DNAH11: variants seen among roughly 807,000 people sequenced by gnomAD.
DNAH11 encodes dynein axonemal heavy chain 11, also known as axonemal beta dynein heavy chain 11.
In DNAH11, 442 loss-of-function variants were observed where a neutral mutation model predicts 526.0. The ratio of observed to expected loss-of-function variants is 0.84; its 90% CI spans 0.78 to 0.91. The LOEUF is 0.91. Among genes scored for constraint, DNAH11 ranks in the 40% least tolerant of loss-of-function variants. The pLI, the probability that DNAH11 is intolerant of heterozygous loss-of-function variation, is 0.00. For synonymous variants in DNAH11, 2,461 were observed against 1,935.9 expected (o/e 1.27, Z -7.12); for missense variants, 6,989 against 5,448.7 (o/e 1.28, Z -8.90).
chr7:21,890,471 C>G (rs1159517377), intron 76 of DNAH11, among the ~76,000 whole-genome samples: 3 of 152,126 alleles, frequency 2.0e-5, no homozygotes, highest in Admixed American at 6.6e-5. Flanking sequence ...GCTTGAAGTT[C>G]TGTTTTTAAC....
chr7:21,854,483 G>T, intron 68 of DNAH11, 28 bp downstream of exon 68: 1 of 1,600,044 alleles, frequency 6.2e-7, no homozygotes, highest in Non-Finnish European at 8.5e-7. Context: ...AAGAAATATG[G>T]GAAACTTTAG....
intron 33 of DNAH11, 28 bp downstream of exon 33, chr7:21,687,283 A>AT (rs1441633332): frequency 6.4e-7 from 1 of 1,555,740 alleles, no homozygotes; most frequent in Non-Finnish European, 8.7e-7. Context: ...TAATGTGTAA[A>AT]ACTTTATTCT....
intron 20 of DNAH11, among the ~76,000 whole-genome samples, chr7:21,607,029 G>T (rs1047205603): frequency 6.6e-6 from 1 of 152,096 alleles, no homozygotes; most frequent in South Asian, 2.1e-4. Flanking sequence ...ATCACAAGGC[G>T]AAGTCCCACA....
At chr7:21,561,691 T>C (rs1483286674) in intron 5 of DNAH11, among the ~76,000 whole-genome samples, 2 of 152,134 alleles carry the variant, frequency 1.3e-5, no homozygotes, top group Non-Finnish European at 2.9e-5. Flanking sequence ...TGATATCCAG[T>C]CGAAAGTCTT....
At chr7:21,741,833 C>T (rs1554276067) in intron 48 of DNAH11, 94 bp from the exon 49 acceptor site, 1 of 1,402,580 alleles carries the variant, frequency 7.1e-7, no homozygotes, top group Non-Finnish European at 9.7e-7. Context: ...TGGTAATGGG[C>T]CTGGATACAG....
chr7:21,790,110 T>C (rs961021051), intron 61 of DNAH11, among the ~76,000 whole-genome samples: 2 of 151,886 alleles, frequency 1.3e-5, no homozygotes, highest in Non-Finnish European at 2.9e-5. Flanking sequence ...GAGTAATTCA[T>C]ATTAAGAATT....
At chr7:21,802,615 TGTTAATA>T (rs1789043920) in intron 62 of DNAH11, among the ~76,000 whole-genome samples, 1 of 152,140 alleles carries the variant, frequency 6.6e-6, no homozygotes, top group Non-Finnish European at 1.5e-5. Flanking sequence ...ATCCATATAA[TGTTAATA>T]GCATTCATCT....
At chr7:21,653,666 T>G (rs1487762273) in intron 28 of DNAH11, among the ~76,000 whole-genome samples, 1 of 152,188 alleles carries the variant, frequency 6.6e-6, no homozygotes, top group Non-Finnish European at 1.5e-5. Context: ...ATTAATATCC[T>G]CTGGGTAATG....
At chr7:21,748,507 A>G in intron 51 of DNAH11, 73 bp from the exon 52 acceptor site, 3 of 1,295,312 alleles carry the variant, frequency 2.3e-6, no homozygotes, top group Non-Finnish European at 3.0e-6. Flanking sequence ...ATAAATAAAT[A>G]AAAATAAACA....
intron 65 of DNAH11, among the ~76,000 whole-genome samples, chr7:21,819,768 G>A (rs1362993219): frequency 1.3e-5 from 2 of 152,162 alleles, no homozygotes; most frequent in East Asian, 3.8e-4. Flanking sequence ...AACTATCAGT[G>A]AGGATTCTAG....
intron 25 of DNAH11, 41 bp downstream of exon 25, chr7:21,620,119 TTTTA>T: frequency 6.9e-7 from 1 of 1,439,484 alleles, no homozygotes; most frequent in Non-Finnish European, 9.3e-7. Context: ...TTCATTTTAT[TTTTA>T]TTTGACAAAT....
intron 9 of DNAH11, among the ~76,000 whole-genome samples, chr7:21,584,170 A>G (rs1784407553): frequency 6.6e-6 from 1 of 152,256 alleles, no homozygotes; most frequent in Non-Finnish European, 1.5e-5. Flanking sequence ...AAAGACTTGG[A>G]ACCAACCCAA....
At chr7:21,549,837 A>G (rs189233898) in intron 2 of DNAH11, among the ~76,000 whole-genome samples, 2 of 152,298 alleles carry the variant, frequency 1.3e-5, no homozygotes, top group African/African-American at 2.4e-5. Context: ...CAGGGAAAAG[A>G]TATGTATCCA....
intron 46 of DNAH11, among the ~76,000 whole-genome samples, chr7:21,738,068 T>A (rs1038748668): frequency 2.0e-5 from 3 of 152,204 alleles, no homozygotes; most frequent in African/African-American, 7.2e-5. Context: ...ATAGTCTGTT[T>A]GGAGAGTCAA....
chr7:21,705,148 A>G (rs1431191071), intron 38 of DNAH11, among the ~76,000 whole-genome samples: 2 of 151,912 alleles, frequency 1.3e-5, no homozygotes, highest in African/African-American at 4.9e-5. Flanking sequence ...TTAGTTGTAG[A>G]TAGTGATTGG....
chr7:21,631,558 A>C (rs1213708329), intron 25 of DNAH11, among the ~76,000 whole-genome samples: 2 of 152,242 alleles, frequency 1.3e-5, no homozygotes, highest in African/African-American at 4.8e-5. Context: ...GGGAGAAAGC[A>C]GCCAAAACAA....
intron 2 of DNAH11, among the ~76,000 whole-genome samples, chr7:21,554,807 A>G (rs189872066): frequency 4.5e-4 from 68 of 152,294 alleles, no homozygotes; most frequent in African/African-American, 1.5e-3. Context: ...GAGCTTCCCT[A>G]AGAGGGAATA....
intron 55 of DNAH11, among the ~76,000 whole-genome samples, chr7:21,772,977 T>C (rs1241919103): frequency 6.6e-6 from 1 of 152,226 alleles, no homozygotes; most frequent in Non-Finnish European, 1.5e-5. Context: ...TGTGTGACTT[T>C]CCTAAGAGTT....
chr7:21,733,041 A>T (rs898743538), intron 45 of DNAH11, among the ~76,000 whole-genome samples: 1 of 151,738 alleles, frequency 6.6e-6, no homozygotes, highest in Non-Finnish European at 1.5e-5. Context: ...GCACGTGGCT[A>T]TGTGGGGGAG....
Sources: gnomAD v4.1 joint callset for allele counts (sites outside exome capture counted in the v4.1 genomes callset) on GRCh38, gnomAD v4.1.1 for gene constraint, MANE v1.5 for transcripts, NCBI Gene and HGNC (gene_info 2026-07-23, HGNC 2026-07-21) for gene names.